The following TMEM178A variants were observed in gnomAD, a reference collection of about 807,000 sequenced individuals.
TMEM178A encodes transmembrane protein 178.
In TMEM178A, 12 loss-of-function variants were observed where a neutral mutation model predicts 29.1. That is an observed-to-expected ratio of 0.41 (90% CI 0.26 to 0.67). The LOEUF (loss-of-function observed/expected upper bound fraction) is 0.67. Ranked by LOEUF, TMEM178A falls within the 30% of genes least tolerant of loss-of-function variation. The pLI is 0.29. For missense variants in TMEM178A, 366 were observed against 419.1 expected, an observed-to-expected ratio of 0.87 and a Z score of 1.11; for synonymous variants, 210 against 187.2, an observed-to-expected ratio of 1.12 and a Z score of -0.99.
chr2:39,677,476 G>A (rs1307225398), intron 1 of TMEM178A, among the ~76,000 whole-genome samples: 6 of 152,058 alleles, frequency 3.9e-5, no homozygotes, highest in African/African-American at 1.2e-4. Context: ...TGATAGTGGC[G>A]CGTGTTCAAA....
intron 1 of TMEM178A, among the ~76,000 whole-genome samples, chr2:39,679,207 T>A (rs1369758786): frequency 6.6e-6 from 1 of 152,216 alleles, no homozygotes; most frequent in Non-Finnish European, 1.5e-5. Flanking sequence ...CGATCTGCCA[T>A]AGAATGGTTG....
intron 1 of TMEM178A, among the ~76,000 whole-genome samples, chr2:39,675,471 C>T (rs1203550572): frequency 1.3e-5 from 2 of 152,088 alleles, no homozygotes; most frequent in African/African-American, 4.8e-5. Flanking sequence ...GTCTGAGAGC[C>T]ACTGAGAGGC....
At chr2:39,688,449 A>G (rs1161564316) in intron 1 of TMEM178A, among the ~76,000 whole-genome samples, 1 of 152,218 alleles carries the variant, frequency 6.6e-6, no homozygotes, top group Admixed American at 6.5e-5. Context: ...GCTGCCACTA[A>G]TGGCTTTGGG....
chr2:39,701,346 T>C (rs1342570232), intron 1 of TMEM178A, among the ~76,000 whole-genome samples: 1 of 151,916 alleles, frequency 6.6e-6, no homozygotes, highest in African/African-American at 2.4e-5. Context: ...AGTCTTCTTA[T>C]TTCTGTGTTT....
chr2:39,669,013 C>T (rs1670294942), intron 1 of TMEM178A, among the ~76,000 whole-genome samples: 1 of 152,172 alleles, frequency 6.6e-6, no homozygotes, highest in Non-Finnish European at 1.5e-5. Context: ...AACACTGTAT[C>T]TAATTTTAAA....
At chr2:39,718,218 T>A (rs1672625492), downstream of TMEM178A, among the ~76,000 whole-genome samples, 1 of 152,112 alleles carries the variant, frequency 6.6e-6, no homozygotes, top group Non-Finnish European at 1.5e-5. Context: ...TTTCTCTCAT[T>A]TTCCCCTCTC....
At chr2:39,733,247 T>C in the TMEM178A span, among the ~76,000 whole-genome samples, 69,768 of 152,088 alleles carry the variant, frequency 0.46, 16,830 homozygotes, top group East Asian at 0.75. Flanking sequence ...AACACGTATT[T>C]CTGTAATAGG....
rs530068371 is a variant in TMEM178A, at chr2:39,666,434, TC to T, written c.400+63del. On this transcript the variant is annotated intron_variant, in intron 1 of 3. Transcript: ENST00000281961. ...CGCGCGTGGAGCGCAGCCCGCGGCTTCCCAGGGGCGCGCCGGTCCCCGCAGC... is the reference window on the plus strand; with the variant it reads ...CGCGCGTGGAGCGCAGCCCGCGGCTTCCAGGGGCGCGCCGGTCCCCGCAGC... 168 of 1,220,610 alleles carry T rather than the reference TC, an allele frequency of 1.4e-4. No individual in the cohort carries two copies. In the African/African-American group the frequency reaches 2.5e-3, roughly 18 times the overall value. 75.6% of individuals were successfully genotyped at this position (1,220,610 alleles called of 1,614,324 possible).
chr2:39,683,832 A>G (rs1273054932), intron 1 of TMEM178A, among the ~76,000 whole-genome samples: 2 of 152,216 alleles, frequency 1.3e-5, no homozygotes, highest in African/African-American at 2.4e-5. Context: ...CCTGACTTCT[A>G]GAAAAATACT....
At chr2:39,709,380 C>G (rs990405) in intron 3 of TMEM178A, among the ~76,000 whole-genome samples, 10,126 of 152,270 alleles carry the variant, frequency 0.067, 1,125 homozygotes, top group African/African-American at 0.23. Context: ...GCCTAGTTCT[C>G]AGCAGAAAAC....
chr2:39,678,232 A>G (rs530552218), intron 1 of TMEM178A, among the ~76,000 whole-genome samples: 1 of 152,358 alleles, frequency 6.6e-6, no homozygotes, highest in African/African-American at 2.4e-5. Context: ...TAGTAGGTAT[A>G]TACCCCCAAA....
At chr2:39,716,952 T>G in intron 3 of TMEM178A, 58 bp from the exon 4 acceptor site, 9 of 1,560,694 alleles carry the variant, frequency 5.8e-6, no homozygotes, top group Non-Finnish European at 7.8e-6. Context: ...TGTCTGGCAT[T>G]TGTCTTGTAA....
At chr2:39,718,488 G>T (rs571670923), downstream of TMEM178A, among the ~76,000 whole-genome samples, 1 of 152,314 alleles carries the variant, frequency 6.6e-6, no homozygotes, top group African/African-American at 2.4e-5. Flanking sequence ...CTGTGATTGA[G>T]AGCCACTCAT....
intron 2 of TMEM178A, 122 bp downstream of exon 2, chr2:39,704,316 ATCAGATGTGGTCAGAGAC>A: frequency 1.3e-6 from 1 of 766,320 alleles, no homozygotes; most frequent in Admixed American, 2.5e-5. Context: ...TCTGGGCCCA[ATCAGATGTGGTCAGAGAC>A]TCAGAGGATC....
intron 3 of TMEM178A, among the ~76,000 whole-genome samples, chr2:39,715,103 A>T (rs1213885605): frequency 6.6e-6 from 1 of 152,222 alleles, no homozygotes; most frequent in Non-Finnish European, 1.5e-5. Flanking sequence ...CTTATTTCTC[A>T]CATCCCAACC....
chr2:39,728,655 G>A, the TMEM178A span, among the ~76,000 whole-genome samples: 2 of 151,866 alleles, frequency 1.3e-5, no homozygotes, highest in East Asian at 1.9e-4. Context: ...AAAGTACACC[G>A]AGATCATTAG....
rs183058100 is a variant in TMEM178A at position 39,707,243 on chromosome 2, C to A, written c.652+57C>A. ...GCCAAGGTGAAGGCTGCTCTGCATG[C>A]GGCTAGCTAGTGTCGCTTTGTTATC... On this transcript the variant is annotated intron_variant, in intron 3 of 3. Transcript: ENST00000281961. The A allele has an allele frequency of 1.5e-4, 224 of 1,527,660 alleles. 2 individuals are homozygous for A. In the East Asian group the frequency reaches 5.0e-3, roughly 34 times the overall value. 94.6% of individuals were successfully genotyped at this position (1,527,660 alleles called of 1,614,324 possible).
chr2:39,675,291 C>A (rs1000977596), intron 1 of TMEM178A, among the ~76,000 whole-genome samples: 4 of 152,068 alleles, frequency 2.6e-5, no homozygotes, highest in Non-Finnish European at 5.9e-5. Context: ...TCTCTAGGCA[C>A]CACCACTGAT....
the TMEM178A span, among the ~76,000 whole-genome samples, chr2:39,725,310 A>G: frequency 6.6e-6 from 1 of 152,190 alleles, no homozygotes; most frequent in Non-Finnish European, 1.5e-5. Context: ...CAATTTCATT[A>G]TTCTTTAAAG....
Sources: gnomAD v4.1 joint callset for allele counts (sites outside exome capture counted in the v4.1 genomes callset) on GRCh38, gnomAD v4.1.1 for gene constraint, MANE v1.5 for transcripts, NCBI Gene and HGNC (gene_info 2026-07-23, HGNC 2026-07-21) for gene names.